Variants in CENPP observed in about 807,000 individuals in gnomAD.
CENPP encodes centromere protein P.
Under a neutral mutation model 35.6 loss-of-function variants are expected in CENPP, and 24 were observed. That is an observed-to-expected ratio of 0.67 (90% confidence interval 0.49 to 0.95). The LOEUF (loss-of-function observed/expected upper bound fraction) is 0.95, where lower values mean the gene tolerates loss of function less well. CENPP is among the 40% of genes least tolerant of loss of function. The pLI is 0.00. For missense variants in CENPP, 332 were observed against 345.3 expected (o/e 0.96, Z 0.31); for synonymous variants, 120 against 125.5 (o/e 0.96, Z 0.29).
At chr9:92,464,831 A>G (rs1318666170) in intron 5 of CENPP, 8 of 964,574 alleles carry the variant, frequency 8.3e-6, no homozygotes, top group Admixed American at 3.4e-5. Context: ...GTTGCAGTGT[A>G]TACTGCACAG....
At chr9:92,451,519 G>T (rs1480917922) in intron 5 of CENPP, among the ~76,000 whole-genome samples, 1 of 152,144 alleles carries the variant, frequency 6.6e-6, no homozygotes, top group Non-Finnish European at 1.5e-5. Context: ...ATAGTTTGAA[G>T]TCAGGTAGCA....
chr9:92,584,929 A>G (rs1564011849), intron 5 of CENPP, among the ~76,000 whole-genome samples: 1 of 152,222 alleles, frequency 6.6e-6, no homozygotes, highest in Non-Finnish European at 1.5e-5. Flanking sequence ...CCTATTATGC[A>G]CCCATGTATT....
chr9:92,479,257 G>C (rs971863315), intron 5 of CENPP, among the ~76,000 whole-genome samples: 3 of 152,150 alleles, frequency 2.0e-5, no homozygotes, highest in Admixed American at 2.0e-4. Flanking sequence ...ATCAGCCGGG[G>C]CCCCTTCCTT....
chr9:92,328,690 A>G (rs1325075921), intron 1 of CENPP, among the ~76,000 whole-genome samples: 1 of 152,236 alleles, frequency 6.6e-6, no homozygotes, highest in African/African-American at 2.4e-5. Context: ...AAAAATTTTT[A>G]TGTTATGAGG....
chr9:92,386,017 T>G (rs1842405667), intron 5 of CENPP, among the ~76,000 whole-genome samples: 1 of 152,244 alleles, frequency 6.6e-6, no homozygotes, highest in South Asian at 2.1e-4. Flanking sequence ...GGATGGAATC[T>G]GGACTTCTGG....
At chr9:92,494,335 G>A (rs1310100021) in intron 5 of CENPP, among the ~76,000 whole-genome samples, 21 of 152,158 alleles carry the variant, frequency 1.4e-4, no homozygotes, top group Non-Finnish European at 1.3e-4. Flanking sequence ...ACATCAATAA[G>A]TGTTGCACAA....
At chr9:92,344,005 C>G (rs902101268) in intron 3 of CENPP, among the ~76,000 whole-genome samples, 2 of 150,694 alleles carry the variant, frequency 1.3e-5, no homozygotes, top group African/African-American at 4.9e-5. Flanking sequence ...TTAATGGCAC[C>G]CTTTTCCTAA....
intron 5 of CENPP, among the ~76,000 whole-genome samples, chr9:92,572,701 T>C (rs1445114132): frequency 6.6e-6 from 1 of 152,230 alleles, no homozygotes; most frequent in Non-Finnish European, 1.5e-5. Context: ...CTTGGTTCCA[T>C]TCTCCCCGTC....
chr9:92,457,057 TG>T (rs1238313927), intron 5 of CENPP: 9 of 1,303,798 alleles, frequency 6.9e-6, no homozygotes, highest in Non-Finnish European at 8.8e-6. Context: ...TAAGATCATT[TG>T]TACGCAAAAA....
At chr9:92,582,960 A>G (rs191091710) in intron 5 of CENPP, among the ~76,000 whole-genome samples, 2 of 152,062 alleles carry the variant, frequency 1.3e-5, no homozygotes, top group African/African-American at 2.4e-5. Context: ...CTGTAAGTCT[A>G]CTTTACTCTC....
At chr9:92,455,552 A>C (rs1009952501) in intron 5 of CENPP, among the ~76,000 whole-genome samples, 6 of 151,854 alleles carry the variant, frequency 4.0e-5, no homozygotes, top group African/African-American at 1.5e-4. Flanking sequence ...AAGTTGAGTA[A>C]CTCCACTGTG....
At chr9:92,598,137 T>A (rs911562550) in intron 5 of CENPP, among the ~76,000 whole-genome samples, 1 of 152,236 alleles carries the variant, frequency 6.6e-6, no homozygotes, top group Non-Finnish European at 1.5e-5. Context: ...CAAAAAGTGC[T>A]AAGGTTTGTT....
At chr9:92,370,284 A>G (rs1001973345) in intron 4 of CENPP, among the ~76,000 whole-genome samples, 2 of 152,014 alleles carry the variant, frequency 1.3e-5, no homozygotes, top group African/African-American at 4.8e-5. Context: ...TTTCTTATGT[A>G]TGTGTGTGTC....
intron 5 of CENPP, among the ~76,000 whole-genome samples, chr9:92,533,406 C>T (rs2131292662): frequency 7.2e-6 from 1 of 139,162 alleles, no homozygotes; most frequent in South Asian, 2.4e-4. Flanking sequence ...TGCTTGCTTG[C>T]CTCCATTTTG....
intron 5 of CENPP, among the ~76,000 whole-genome samples, chr9:92,591,786 C>T (rs1269565308): frequency 6.6e-6 from 1 of 151,970 alleles, no homozygotes; most frequent in African/African-American, 2.4e-5. Context: ...AAAGAAAAAG[C>T]ATTTTCCAAA....
At chr9:92,587,595 A>G (rs972718835) in intron 5 of CENPP, among the ~76,000 whole-genome samples, 1 of 152,268 alleles carries the variant, frequency 6.6e-6, no homozygotes, top group African/African-American at 2.4e-5. Context: ...CAGACACAAA[A>G]GGTTACATAT....
At chr9:92,369,792 T>G (rs1318047983) in intron 4 of CENPP, among the ~76,000 whole-genome samples, 1 of 152,218 alleles carries the variant, frequency 6.6e-6, no homozygotes, top group African/African-American at 2.4e-5. Flanking sequence ...AATTTCACCT[T>G]GCTCTTTTCC....
intron 5 of CENPP, among the ~76,000 whole-genome samples, chr9:92,536,370 ATAGGGATGATATTCTCG>A (rs1176509145): frequency 2.0e-5 from 3 of 152,198 alleles, no homozygotes; most frequent in Non-Finnish European, 4.4e-5. Flanking sequence ...TTATCAGATT[ATAGGGATGATATTCTCG>A]TCAGCTAAAG....
intron 5 of CENPP, among the ~76,000 whole-genome samples, chr9:92,466,969 T>C (rs1189232279): frequency 6.6e-6 from 1 of 152,204 alleles, no homozygotes; most frequent in African/African-American, 2.4e-5. Flanking sequence ...AAATATACTT[T>C]TGCATGATTT....
Sources: gnomAD v4.1 joint callset for allele counts (sites outside exome capture counted in the v4.1 genomes callset) on GRCh38, gnomAD v4.1.1 for gene constraint, MANE v1.5 for transcripts, NCBI Gene and HGNC (gene_info 2026-07-23, HGNC 2026-07-21) for gene names.